Variants in APLP2 observed in about 807,000 individuals in gnomAD.
APLP2 encodes the protein CDEI box-binding protein.
APLP2 carries 53 observed loss-of-function variants against 89.9 expected under a neutral mutation model. The observed-to-expected ratio is 0.59, with a 90% CI of 0.47 to 0.74. The LOEUF is 0.74. Ranked by LOEUF, APLP2 falls within the 30% of genes least tolerant of loss-of-function variation. The pLI is 0.00. For synonymous variants in APLP2, 372 were observed against 348.6 expected (o/e 1.07, Z -0.75); for missense variants, 973 against 975.9 (o/e 1.00, Z 0.04).
Position 130,126,722 on chromosome 11 carries a change from C to G in APLP2, c.1113C>G (p.Thr371=). The change falls in exon 8 of 17, where the codon ACC becomes ACG. Residue 371 remains threonine, a synonymous_variant. Coordinates refer to ENST00000338167, the MANE Select transcript of APLP2 (RefSeq NM_001142276.2). The part of the protein sequence containing the change: ...KAMIPPTPLP[T]NDVDVYFETS... ...CAGTTCCTCCAACTCCTCTGCCAAC[C>G]AATGATGTTGATGTGTATTTCGAGA... is the stretch of plus-strand genomic sequence containing the variant. The G allele has an allele frequency of 6.2e-7, 1 of 1,614,040 alleles. No individual in the cohort carries two copies. The highest frequency in any genetic ancestry group is 8.5e-7 in the Non-Finnish European group (1 of 1,179,912).
chr11:130,106,546 A>T (rs1280517684), intron 1 of APLP2, among the ~76,000 whole-genome samples: 1 of 152,190 alleles, frequency 6.6e-6, no homozygotes, highest in African/African-American at 2.4e-5. Context: ...CTTGGTCTGC[A>T]GACTCTTGTC....
intron 12 of APLP2, among the ~76,000 whole-genome samples, chr11:130,134,866 T>C (rs1175804777): frequency 6.6e-6 from 1 of 152,094 alleles, no homozygotes; most frequent in Non-Finnish European, 1.5e-5. Context: ...TCGGGGATGG[T>C]GGTACCATGG....
At chr11:130,106,692 T>TC (rs1258819802) in intron 1 of APLP2, among the ~76,000 whole-genome samples, 1 of 130,348 alleles carries the variant, frequency 7.7e-6, no homozygotes, top group Non-Finnish European at 1.5e-5. Flanking sequence ...TAGGTCAGAT[T>TC]CCTTTTTTTT....
At chr11:130,133,001 T>C (rs1397242597) in intron 11 of APLP2, among the ~76,000 whole-genome samples, 2 of 150,490 alleles carry the variant, frequency 1.3e-5, no homozygotes, top group South Asian at 2.1e-4. Context: ...TTTGGCTCAA[T>C]ATAATTAGTA....
In APLP2 at chr11:130,076,511, G is replaced by A. The variant is rs755337896; in HGVS notation, c.105+6429G>A. ...GAGATTTTTATCAAAATCAAGGTGC[G>A]GGATTATTTGGAAGAGAGAAGGCTG... On this transcript the variant is annotated intron_variant, in intron 1 of 16. Coordinates refer to ENST00000338167, the MANE Select transcript of APLP2 (RefSeq NM_001142276.2). Among the ~76,000 whole-genome samples, 52 of 152,120 alleles carry A rather than the reference G, an allele frequency of 3.4e-4. 1 individual carries two copies. Among genetic ancestry groups the A allele is most frequent in the Admixed American group, 1.9e-3 (29 of 15,270 alleles).
intron 1 of APLP2, among the ~76,000 whole-genome samples, chr11:130,086,534 T>C (rs1350663891): frequency 6.6e-6 from 1 of 152,248 alleles, no homozygotes; most frequent in Non-Finnish European, 1.5e-5. Context: ...TTCCAGTTTA[T>C]CTATTTTTTT....
intron 1 of APLP2, chr11:130,101,964 C>G (rs564322230): frequency 4.4e-6 from 2 of 456,260 alleles, no homozygotes; most frequent in Admixed American, 2.3e-5. Flanking sequence ...CTTTCCTGAT[C>G]AGCACCCTCA....
At chr11:130,125,650 T>C (rs1760787565) in intron 7 of APLP2, among the ~76,000 whole-genome samples, 1 of 152,248 alleles carries the variant, frequency 6.6e-6, no homozygotes, top group South Asian at 2.1e-4. Context: ...ATGGTTGTTT[T>C]AATGTATTAA....
intron 1 of APLP2, among the ~76,000 whole-genome samples, chr11:130,082,036 A>C (rs1243809434): frequency 6.6e-6 from 1 of 152,250 alleles, no homozygotes; most frequent in Non-Finnish European, 1.5e-5. Flanking sequence ...AAATAACACC[A>C]TAGCTGAAGG....
At chr11:130,103,138 G>A (rs1420627687) in intron 1 of APLP2, among the ~76,000 whole-genome samples, 2 of 152,210 alleles carry the variant, frequency 1.3e-5, no homozygotes, top group South Asian at 2.1e-4. Flanking sequence ...GGCACAGTCT[G>A]TGCTTAAGGA....
At chr11:130,100,553 T>C (rs1946771047) in intron 1 of APLP2, 1 of 152,196 alleles carries the variant, frequency 6.6e-6, no homozygotes, top group South Asian at 2.1e-4. Flanking sequence ...CTCTATTAAA[T>C]CATGATGTTT....
At position 130,104,828 on chromosome 11, in the gene APLP2, G is replaced by A. The variant is rs114458244; in HGVS notation, c.106-4601G>A. The stretch of plus-strand genomic sequence containing the variant: ...TGCTAATTGTTTGTTGGGTTTAACT[G>A]AGGTGTTTTTCAGCCCTGATAGATA... On this transcript the variant is annotated intron_variant, in intron 1 of 16. Transcript: ENST00000338167. 2.6e-3 allele frequency among the ~76,000 whole-genome samples: 399 copies of A among 152,270 alleles called. 2 individuals carry two copies. Among genetic ancestry groups the A allele is most frequent in the African/African-American group, 9.1e-3 (379 of 41,560 alleles).
At position 130,123,741 on chromosome 11, in the gene APLP2, A is replaced by T; in HGVS notation, c.1052A>T (p.Glu351Val). The change falls in exon 7 of 17, where the codon GAG becomes GTG. Residue 351 changes from glutamate to valine, a missense_variant. Transcript: ENST00000338167. The surrounding 1 kb of genome is among the most constrained non-coding windows in gnomAD (Gnocchi z 4.0). Reference protein sequence around the residue: ...GGCGGNRNNFESEDYCMAVCK... With the variant: ...GGCGGNRNNFVSEDYCMAVCK... ...TGCGGCGGCAACAGGAACAATTTTG[A>T]GTCTGAGGATTATTGTATGGCTGTG... is the stretch of plus-strand genomic sequence containing the variant. The T allele has an allele frequency of 6.2e-7, 1 of 1,614,142 alleles. No homozygotes were observed. Among genetic ancestry groups the T allele is most frequent in the Non-Finnish European group, 8.5e-7 (1 of 1,180,028 alleles).
At chr11:130,098,402 T>TC (rs1256982981) in intron 1 of APLP2, among the ~76,000 whole-genome samples, 1 of 142,544 alleles carries the variant, frequency 7.0e-6, no homozygotes, top group African/African-American at 2.7e-5. Flanking sequence ...AGACTCCGTC[T>TC]CAAAAAAAAA....
chr11:130,127,789 A>G lies in APLP2; in HGVS notation c.1245A>G (p.Ala415=). 7 of 1,614,202 alleles carry G rather than the reference A, an allele frequency of 4.3e-6. No individual in the cohort carries two copies. Among genetic ancestry groups the G allele is most frequent in the African/African-American group, 1.3e-5 (1 of 75,056 alleles). ...AGGTAAAGAAGGAATGGGAAGAGGC[A>G]GAGCTTCAAGCTAAGAACCTCCCCA... ...MDRVKKEWEE[A]ELQAKNLPKA... Residue 415 remains alanine (A), a synonymous_variant, in exon 9 of 17, where the codon GCA becomes GCG. Coordinates refer to ENST00000338167, the MANE Select transcript of APLP2 (RefSeq NM_001142276.2).
chr11:130,095,404 G>A (rs943796067), intron 1 of APLP2, among the ~76,000 whole-genome samples: 1 of 152,258 alleles, frequency 6.6e-6, no homozygotes, highest in African/African-American at 2.4e-5. Context: ...ATGAAGTATT[G>A]ATTTGACCAT....
intron 5 of APLP2, among the ~76,000 whole-genome samples, 168 bp downstream of exon 5, chr11:130,121,978 G>T (rs531097106): frequency 6.6e-6 from 1 of 152,270 alleles, no homozygotes; most frequent in East Asian, 1.9e-4. Flanking sequence ...AATCACAGGA[G>T]TACCTGTGAT....
chr11:130,112,199 A>G (rs1948667782), intron 3 of APLP2, among the ~76,000 whole-genome samples: 1 of 152,234 alleles, frequency 6.6e-6, no homozygotes, highest in Non-Finnish European at 1.5e-5. Context: ...TTCAAGGGAA[A>G]TGTAATGACA....
At chr11:130,133,576 C>A in intron 11 of APLP2, 53 bp from the exon 12 acceptor site, 1 of 1,360,402 alleles carries the variant, frequency 7.4e-7, no homozygotes, top group Non-Finnish European at 1.1e-6. Context: ...AAGTTCCCTC[C>A]TGGCCTAGTT....
Sources: allele counts gnomAD v4.1 joint callset (sites outside exome capture counted in the v4.1 genomes callset), GRCh38; gene constraint gnomAD v4.1.1; non-coding constraint Gnocchi (gnomAD v3.1); transcripts MANE v1.5; gene names NCBI Gene and HGNC (gene_info 2026-07-23, HGNC 2026-07-21).